The following KLF12 variants were observed in gnomAD, a reference collection of about 807,000 sequenced individuals.
KLF12 encodes the protein KLF transcription factor 12, also known as Krueppel-like factor 12.
In KLF12, 9 loss-of-function variants were observed where a neutral mutation model predicts 37.8. That is an observed-to-expected ratio of 0.24 (90% CI 0.14 to 0.42). KLF12 has a LOEUF of 0.42. Among genes scored for constraint, KLF12 ranks in the 10% least tolerant of loss-of-function variants. KLF12 has a pLI of 1.00. For missense variants in KLF12, 411 were observed against 516.0 expected, an observed-to-expected ratio of 0.80 and a Z score of 1.97; for synonymous variants, 208 against 202.1, an observed-to-expected ratio of 1.03 and a Z score of -0.25.
At chr13:74,169,007 T>G in the KLF12 span, among the ~76,000 whole-genome samples, 9 of 152,212 alleles carry the variant, frequency 5.9e-5, no homozygotes, top group Admixed American at 2.0e-4. Context: ...ACAGCAATGC[T>G]TTTAATGATT....
At chr13:73,978,276 A>AG (rs1891595049) in intron 2 of KLF12, among the ~76,000 whole-genome samples, 2 of 152,234 alleles carry the variant, frequency 1.3e-5, no homozygotes. Flanking sequence ...CAGAAAAAAA[A>AG]GAGTGTAAAA....
intron 3 of KLF12, among the ~76,000 whole-genome samples, chr13:73,937,893 G>A (rs903523155): frequency 6.6e-6 from 1 of 152,024 alleles, no homozygotes; most frequent in African/African-American, 2.4e-5. Context: ...TGCAAGAGCA[G>A]ATATTTCTTT....
intron 2 of KLF12, among the ~76,000 whole-genome samples, chr13:73,993,771 T>G (rs917543580): frequency 6.6e-6 from 1 of 152,224 alleles, no homozygotes; most frequent in Non-Finnish European, 1.5e-5. Context: ...TTAAGGAATC[T>G]TGCAAGCCAG....
chr13:73,952,559 G>C (rs1244102113), intron 2 of KLF12, among the ~76,000 whole-genome samples: 2 of 152,176 alleles, frequency 1.3e-5, no homozygotes, highest in African/African-American at 4.8e-5. Context: ...TGGAGACACA[G>C]AGCCGAGCCA....
chr13:74,220,038 C>T, the KLF12 span, among the ~76,000 whole-genome samples: 1 of 152,076 alleles, frequency 6.6e-6, no homozygotes, highest in Admixed American at 6.5e-5. Context: ...TCTGCTTCGA[C>T]TTTTTCCTCT....
the KLF12 span, among the ~76,000 whole-genome samples, chr13:74,161,375 G>A: frequency 1.3e-5 from 2 of 152,018 alleles, no homozygotes; most frequent in African/African-American, 2.4e-5. Context: ...TAAATTTAAA[G>A]CCTGGTGCCT....
intron 3 of KLF12, among the ~76,000 whole-genome samples, chr13:73,890,700 T>C (rs1887463422): frequency 6.6e-6 from 1 of 151,914 alleles, no homozygotes; most frequent in African/African-American, 2.4e-5. Context: ...CAAACCTATC[T>C]TGAAAGAGAT....
At chr13:74,004,990 G>C (rs1442035936) in intron 1 of KLF12, among the ~76,000 whole-genome samples, 1 of 151,062 alleles carries the variant, frequency 6.6e-6, no homozygotes, top group Non-Finnish European at 1.5e-5. Context: ...TGCATTCTTT[G>C]ATAACGTCTT....
the KLF12 span, among the ~76,000 whole-genome samples, chr13:74,268,023 T>A: frequency 6.6e-6 from 1 of 152,118 alleles, no homozygotes; most frequent in African/African-American, 2.4e-5. Context: ...CCTAGAGTCT[T>A]CAGGAGGAAC....
chr13:74,056,061 T>C (rs1566521476), intron 1 of KLF12, among the ~76,000 whole-genome samples: 2 of 152,116 alleles, frequency 1.3e-5, no homozygotes, highest in Non-Finnish European at 2.9e-5. Flanking sequence ...CTGCAGATAC[T>C]TGCCAGAAGA....
chr13:73,780,471 G>GTT (rs58306980), intron 5 of KLF12, among the ~76,000 whole-genome samples: 84 of 145,356 alleles, frequency 5.8e-4, no homozygotes, highest in Admixed American at 1.2e-3. Context: ...CCAAGGAATG[G>GTT]TTTTTTTTTT....
rs552381401 is a variant in KLF12 at position 73,774,073 on chromosome 13, C to T, written c.807-9073G>A. On this transcript the variant is annotated intron_variant, in intron 5 of 7. Coordinates refer to ENST00000377669, the MANE Select transcript of KLF12 (RefSeq NM_007249.5). ...TGATAAAAAGTAAGAACTATTTCTC[C>T]CTAGCTCACCACTTTATGCCTAGTA... Among the ~76,000 whole-genome samples the T allele has an allele frequency of 5.9e-5, 9 of 152,054 alleles. No individual in the cohort carries two copies. In the South Asian group the frequency reaches 6.3e-4, roughly 11 times the overall value.
intron 4 of KLF12, among the ~76,000 whole-genome samples, chr13:73,816,466 C>T (rs993767007): frequency 3.9e-5 from 6 of 152,192 alleles, no homozygotes; most frequent in East Asian, 1.9e-4. Context: ...TGTCATTCCT[C>T]GGAGTTGGAG....
rs1045125457 is a variant in KLF12, at chr13:73,686,602, G to T, written c.*8888C>A. ...AACAGAAAACCAAATGAAGATTTAA[G>T]AACTCAACACATTTGCTTGCCAGCA... On this transcript the variant is annotated 3_prime_UTR_variant, in exon 8 of 8. Coordinates refer to ENST00000377669, the MANE Select transcript of KLF12 (RefSeq NM_007249.5). The T allele has an allele frequency of 6.6e-6, 1 of 152,544 alleles. No individual in the cohort carries two copies. The highest frequency in any genetic ancestry group is 2.4e-5 in the African/African-American group (1 of 41,454). 9.4% of individuals were successfully genotyped at this position (152,544 alleles called of 1,614,324 possible).
At chr13:74,284,906 A>G in the KLF12 span, among the ~76,000 whole-genome samples, 1 of 152,204 alleles carries the variant, frequency 6.6e-6, no homozygotes, top group Admixed American at 6.5e-5. Flanking sequence ...AAGTGTAAAT[A>G]TGTTTTTTTT....
intron 3 of KLF12, among the ~76,000 whole-genome samples, chr13:73,848,335 C>A (rs1210378825): frequency 3.3e-5 from 5 of 152,046 alleles, no homozygotes; most frequent in Non-Finnish European, 5.9e-5. Flanking sequence ...CGGACCTTAT[C>A]TGTAAGGAGA....
chr13:74,018,078 T>G (rs1462524707), intron 1 of KLF12, among the ~76,000 whole-genome samples: 1 of 150,350 alleles, frequency 6.7e-6, no homozygotes, highest in African/African-American at 2.5e-5. Flanking sequence ...ATTCTTATAA[T>G]TACTGCTTTT....
At chr13:73,714,741 CAG>C (rs954114632) in intron 7 of KLF12, among the ~76,000 whole-genome samples, 1 of 152,134 alleles carries the variant, frequency 6.6e-6, no homozygotes, top group Non-Finnish European at 1.5e-5. Flanking sequence ...GGGCTAAGTG[CAG>C]AGTCACCAGT....
At chr13:74,119,261 G>A (rs1877484237) in intron 1 of KLF12, among the ~76,000 whole-genome samples, 1 of 151,906 alleles carries the variant, frequency 6.6e-6, no homozygotes, top group Non-Finnish European at 1.5e-5. Flanking sequence ...GAACTTGGGA[G>A]GCGGAGGCTG....
Sources: gnomAD v4.1 joint callset for allele counts (sites outside exome capture counted in the v4.1 genomes callset) on GRCh38, gnomAD v4.1.1 for gene constraint, MANE v1.5 for transcripts, NCBI Gene and HGNC (gene_info 2026-07-23, HGNC 2026-07-21) for gene names.